The following PGM5 variants were observed in gnomAD, a reference collection of about 807,000 sequenced individuals.
The protein encoded by PGM5 is phosphoglucomutase-like protein 5.
In PGM5, 23 loss-of-function variants were observed where a neutral mutation model predicts 59.2. The observed-to-expected ratio is 0.39, with a 90% CI of 0.28 to 0.55. PGM5 has a LOEUF of 0.55. Among genes scored for constraint, PGM5 ranks in the 20% least tolerant of loss-of-function variants. The probability of loss-of-function intolerance (pLI) is 0.66; values close to 1 mark genes in which losing one functional copy is unlikely to be tolerated. For missense variants in PGM5, 574 were observed against 748.3 expected, an observed-to-expected ratio of 0.77 and a Z score of 2.72; for synonymous variants, 214 against 286.0, an observed-to-expected ratio of 0.75 and a Z score of 2.54.
chr9:68,407,750 G>A (rs1822849209), intron 6 of PGM5, among the ~76,000 whole-genome samples: 1 of 152,120 alleles, frequency 6.6e-6, no homozygotes, highest in Non-Finnish European at 1.5e-5. Flanking sequence ...TGCATATTGT[G>A]AGCATTTGTT....
chr9:68,372,572 T>G (rs1821763977), intron 1 of PGM5, among the ~76,000 whole-genome samples: 1 of 152,162 alleles, frequency 6.6e-6, no homozygotes, highest in Non-Finnish European at 1.5e-5. Context: ...TGAGTGAATG[T>G]CCATGTTGTT....
chr9:68,513,269 A>G (rs782505291), intron 10 of PGM5, among the ~76,000 whole-genome samples: 1 of 152,260 alleles, frequency 6.6e-6, no homozygotes, highest in Admixed American at 6.5e-5. Context: ...GTTGAACTCC[A>G]TAGCTTTTGA....
At chr9:68,484,181 G>C (rs1824248838) in intron 9 of PGM5, 133 bp downstream of exon 9, 1 of 750,270 alleles carries the variant, frequency 1.3e-6, no homozygotes, top group African/African-American at 1.7e-5. Context: ...AGCCAGGAAA[G>C]AGGAAAGCCC....
chr9:68,459,777 A>T (rs1479174249), intron 6 of PGM5, among the ~76,000 whole-genome samples: 1 of 152,022 alleles, frequency 6.6e-6, no homozygotes, highest in Non-Finnish European at 1.5e-5. Context: ...ATCTCTAGTG[A>T]TCTTTTCATA....
At chr9:68,422,860 C>T (rs11142305) in intron 6 of PGM5, among the ~76,000 whole-genome samples, 71,131 of 151,940 alleles carry the variant, frequency 0.47, 17,603 homozygotes, top group South Asian at 0.56. Context: ...TTGTAGTCTT[C>T]TGTCTCTCAT....
At chr9:68,484,712 T>C (rs973464853) in intron 9 of PGM5, among the ~76,000 whole-genome samples, 2 of 152,176 alleles carry the variant, frequency 1.3e-5, no homozygotes, top group Non-Finnish European at 2.9e-5. Context: ...ATGAAATGTT[T>C]GTAGCCTGCA....
rs782307253 is a variant in PGM5, at chr9:68,384,502, A to G, written c.529A>G (p.Arg177Gly). 3 of 1,610,662 alleles carry G rather than the reference A, an allele frequency of 1.9e-6. No homozygotes were observed. The highest frequency in any genetic ancestry group is 2.5e-6 in the Non-Finnish European group (3 of 1,177,602). ...DLRIDLSRLGRQEFDLENKFK... is the reference protein window; with the variant it reads ...DLRIDLSRLGGQEFDLENKFK... Reference sequence around the variant, plus strand: ...CCGAATCGACCTATCTCGACTAGGAAGACAAGAATTTGACCTAGAAAACAA... The same window carrying G: ...CCGAATCGACCTATCTCGACTAGGAGGACAAGAATTTGACCTAGAAAACAA... Residue 177 changes from arginine (R) to glycine (G), a missense_variant, in exon 3 of 11, where the codon AGA (arginine) becomes GGA (glycine). Transcript: ENST00000396396.
chr9:68,360,783 T>C (rs1834560483), intron 1 of PGM5, among the ~76,000 whole-genome samples: 1 of 152,236 alleles, frequency 6.6e-6, no homozygotes, highest in Non-Finnish European at 1.5e-5. Context: ...TACCCCTAAA[T>C]CTTTAGTACA....
intron 10 of PGM5, among the ~76,000 whole-genome samples, chr9:68,511,400 C>T (rs1390023872): frequency 2.0e-5 from 3 of 152,050 alleles, no homozygotes; most frequent in South Asian, 2.1e-4. Context: ...AACTAGTTTT[C>T]GGGATCCTTT....
chr9:68,388,633 T>C (rs1478795497), intron 4 of PGM5, among the ~76,000 whole-genome samples: 1 of 152,092 alleles, frequency 6.6e-6, no homozygotes, highest in Non-Finnish European at 1.5e-5. Context: ...TTTTGTGTAT[T>C]GTATATCTGA....
intron 7 of PGM5, among the ~76,000 whole-genome samples, chr9:68,474,492 A>G (rs782028058): frequency 7.9e-5 from 12 of 152,042 alleles, no homozygotes; most frequent in South Asian, 2.1e-4. Flanking sequence ...TGCCTAGCTC[A>G]AGTAGCATGG....
At chr9:68,502,339 A>G (rs1166151834) in intron 10 of PGM5, among the ~76,000 whole-genome samples, 1 of 152,252 alleles carries the variant, frequency 6.6e-6, no homozygotes, top group Non-Finnish European at 1.5e-5. Context: ...AAAAGGGTTT[A>G]AAATCACAGG....
chr9:68,359,607 C>T (rs190729477), intron 1 of PGM5, among the ~76,000 whole-genome samples: 2 of 152,184 alleles, frequency 1.3e-5, no homozygotes, highest in Admixed American at 6.5e-5. Context: ...TGAGAATGTG[C>T]TTGTCTCCTG....
intron 6 of PGM5, among the ~76,000 whole-genome samples, chr9:68,443,921 A>G (rs920619262): frequency 2.0e-5 from 3 of 152,200 alleles, no homozygotes; most frequent in Admixed American, 6.5e-5. Context: ...TGAGGGAGAC[A>G]ATGTTAAAGG....
intron 1 of PGM5, among the ~76,000 whole-genome samples, chr9:68,373,172 C>A (rs1821785488): frequency 7.9e-6 from 1 of 126,770 alleles, no homozygotes; most frequent in Non-Finnish European, 1.7e-5. Context: ...TGTGAGTGTC[C>A]ATAAGGGACA....
chr9:68,418,770 C>A (rs142057573), intron 6 of PGM5, among the ~76,000 whole-genome samples: 1 of 152,060 alleles, frequency 6.6e-6, no homozygotes, highest in African/African-American at 2.4e-5. Flanking sequence ...TTGTCAAGCC[C>A]GCTTTCTCCT....
intron 4 of PGM5, among the ~76,000 whole-genome samples, chr9:68,391,202 A>G (rs263795): frequency 0.5 from 75,181 of 149,280 alleles, 20,172 homozygotes; most frequent in African/African-American, 0.69. Flanking sequence ...TTCAGCTAAA[A>G]CTTTTAATAC....
intron 9 of PGM5, among the ~76,000 whole-genome samples, chr9:68,488,547 C>T (rs1313245286): frequency 1.3e-5 from 2 of 152,184 alleles, no homozygotes; most frequent in African/African-American, 4.8e-5. Flanking sequence ...CCCTGAAGTT[C>T]TCAACCCCTG....
chr9:68,467,090 C>T (rs782545230), intron 7 of PGM5, among the ~76,000 whole-genome samples: 18 of 152,270 alleles, frequency 1.2e-4, no homozygotes, highest in African/African-American at 1.7e-4. Flanking sequence ...TCATCCTTGT[C>T]TCCCAGTGAC....
Sources: gnomAD v4.1 joint callset for allele counts (sites outside exome capture counted in the v4.1 genomes callset) on GRCh38, gnomAD v4.1.1 for gene constraint, MANE v1.5 for transcripts, NCBI Gene and HGNC (gene_info 2026-07-23, HGNC 2026-07-21) for gene names.